NOS1AP: variants seen among roughly 807,000 people sequenced by gnomAD.
NOS1AP encodes the protein nitric oxide synthase 1 adaptor protein.
A neutral mutation model predicts 56.2 loss-of-function variants in NOS1AP; 21 were observed. The observed-to-expected ratio is 0.37, with a 90% confidence interval of 0.26 to 0.54. The LOEUF (loss-of-function observed/expected upper bound fraction) is 0.54, where lower values mean the gene tolerates loss of function less well. NOS1AP is among the 20% of genes least tolerant of loss of function. The pLI is 0.84. For synonymous variants in NOS1AP, 270 were observed against 274.6 expected (o/e 0.98, Z 0.17); for missense variants, 522 against 657.8 (o/e 0.79, Z 2.26).
At chr1:162,350,869 G>C (rs553323843) in intron 6 of NOS1AP, among the ~76,000 whole-genome samples, 2 of 152,254 alleles carry the variant, frequency 1.3e-5, no homozygotes, top group East Asian at 1.9e-4. Flanking sequence ...AGTTAATACA[G>C]GTTGAGCATC....
At chr1:162,245,111 G>A (rs1203152871) in intron 2 of NOS1AP, among the ~76,000 whole-genome samples, 1 of 152,096 alleles carries the variant, frequency 6.6e-6, no homozygotes, top group Non-Finnish European at 1.5e-5. Flanking sequence ...TTTTTAATTT[G>A]GGGAAGGCAA....
At chr1:162,174,033 A>G (rs1239431771) in intron 2 of NOS1AP, among the ~76,000 whole-genome samples, 1 of 152,176 alleles carries the variant, frequency 6.6e-6, no homozygotes, top group Non-Finnish European at 1.5e-5. Context: ...TAGAAATACC[A>G]TTTGACCCAG....
At chr1:162,203,077 G>A (rs913945263) in intron 2 of NOS1AP, among the ~76,000 whole-genome samples, 4 of 152,154 alleles carry the variant, frequency 2.6e-5, no homozygotes, top group Non-Finnish European at 5.9e-5. Flanking sequence ...GGGACAGACA[G>A]CCTGAATCAT....
rs2101833632 is a variant in NOS1AP, at chr1:162,367,700, G to A, written c.*233G>A. On this transcript the variant is annotated 3_prime_UTR_variant, in exon 10 of 10. Coordinates refer to ENST00000361897, the MANE Select transcript of NOS1AP (RefSeq NM_014697.3). The surrounding 1 kb of genome is among the most constrained non-coding windows in gnomAD (Gnocchi z 6.5). ...CCTCTCCTACTTGTGACTAGAGGGT[G>A]GTGGAGGTAAGGCCTTCCAGAGCCC... 1.8e-6 allele frequency: 1 copy of A among 568,766 alleles called. No individual in the cohort carries two copies. Among genetic ancestry groups the A allele is most frequent in the Non-Finnish European group, 3.1e-6 (1 of 321,828 alleles). 35.2% of individuals were successfully genotyped at this position (568,766 alleles called of 1,614,324 possible). A position where few individuals can be genotyped will look rare whatever the true frequency, so the allele number is the denominator to read the frequency against.
At chr1:162,105,738 G>A (rs2102035626) in intron 1 of NOS1AP, among the ~76,000 whole-genome samples, 1 of 152,322 alleles carries the variant, frequency 6.6e-6, no homozygotes, top group Admixed American at 6.5e-5. Context: ...TGGACCGCCT[G>A]TATTCTTCAA....
chr1:162,361,633 A>T (rs1217839224), intron 8 of NOS1AP, among the ~76,000 whole-genome samples: 5 of 152,168 alleles, frequency 3.3e-5, no homozygotes, highest in Admixed American at 1.3e-4. Context: ...TCACATATTC[A>T]CAGGACTTGA....
chr1:162,125,657 C>T (rs1325028366), intron 1 of NOS1AP, among the ~76,000 whole-genome samples: 1 of 152,082 alleles, frequency 6.6e-6, no homozygotes, highest in Non-Finnish European at 1.5e-5. Context: ...TAGTACCATG[C>T]TGTTTTGGTT....
intron 1 of NOS1AP, among the ~76,000 whole-genome samples, chr1:162,089,806 T>C (rs1191293350): frequency 1.3e-5 from 2 of 152,230 alleles, no homozygotes; most frequent in African/African-American, 2.4e-5. Flanking sequence ...TAGTTTCTCC[T>C]CTAGAGCCTC....
At chr1:162,283,170 A>G (rs763053606) in intron 2 of NOS1AP, among the ~76,000 whole-genome samples, 31 of 151,560 alleles carry the variant, frequency 2.0e-4, no homozygotes, top group South Asian at 6.2e-4. Context: ...TAACATATAT[A>G]TATAATATAT....
intron 1 of NOS1AP, among the ~76,000 whole-genome samples, chr1:162,087,208 T>C (rs1217636967): frequency 1.3e-5 from 2 of 152,126 alleles, no homozygotes; most frequent in African/African-American, 2.4e-5. Flanking sequence ...GTCCAGTAGC[T>C]CGTGACAGTG....
At chr1:162,164,897 T>G (rs1329393793) in intron 2 of NOS1AP, among the ~76,000 whole-genome samples, 1 of 152,212 alleles carries the variant, frequency 6.6e-6, no homozygotes, top group East Asian at 1.9e-4. Flanking sequence ...AAGGCCCTGA[T>G]TTCTCACTTA....
chr1:162,219,499 T>C (rs879440215), intron 2 of NOS1AP, among the ~76,000 whole-genome samples: 4 of 152,124 alleles, frequency 2.6e-5, no homozygotes, highest in Non-Finnish European at 4.4e-5. Context: ...CTTTCATCTC[T>C]GTCTCCCCTT....
At chr1:162,155,246 A>T (rs1272371898) in intron 2 of NOS1AP, among the ~76,000 whole-genome samples, 1 of 145,430 alleles carries the variant, frequency 6.9e-6, no homozygotes, top group Admixed American at 6.9e-5. Context: ...ACATATACAT[A>T]TACACATACA....
chr1:162,331,407 C>T (rs900332152), intron 4 of NOS1AP, among the ~76,000 whole-genome samples: 3 of 152,076 alleles, frequency 2.0e-5, no homozygotes, highest in Non-Finnish European at 4.4e-5. Flanking sequence ...AGTTACTAGG[C>T]TGTTTAGAGG....
chr1:162,177,068 T>C (rs933688651), intron 2 of NOS1AP, among the ~76,000 whole-genome samples: 7 of 152,178 alleles, frequency 4.6e-5, no homozygotes, highest in African/African-American at 1.7e-4. Flanking sequence ...AAATTGGTAG[T>C]TCTGCTGCTG....
At chr1:162,103,939 T>A (rs539966116) in intron 1 of NOS1AP, among the ~76,000 whole-genome samples, 1 of 152,356 alleles carries the variant, frequency 6.6e-6, no homozygotes, top group South Asian at 2.1e-4. Context: ...GTGAATTTGA[T>A]TCTGTCATCA....
chr1:162,347,208 A>G (rs1657326366), intron 6 of NOS1AP, among the ~76,000 whole-genome samples: 1 of 152,268 alleles, frequency 6.6e-6, no homozygotes. Context: ...GAAGTCTTAC[A>G]TTGTTAACTC....
chr1:162,083,248 C>T (rs1353089647), intron 1 of NOS1AP, among the ~76,000 whole-genome samples: 1 of 152,046 alleles, frequency 6.6e-6, no homozygotes, highest in African/African-American at 2.4e-5. Context: ...CTTTTGGTTT[C>T]TTTGGGTGGG....
chr1:162,078,942 C>G (rs1369922015), intron 1 of NOS1AP, among the ~76,000 whole-genome samples: 1 of 152,164 alleles, frequency 6.6e-6, no homozygotes, highest in Non-Finnish European at 1.5e-5. Context: ...GGGTCCATGT[C>G]ACTCTGCCCC....
Sources: allele counts gnomAD v4.1 joint callset (sites outside exome capture counted in the v4.1 genomes callset), GRCh38; gene constraint gnomAD v4.1.1; non-coding constraint Gnocchi (gnomAD v3.1); transcripts MANE v1.5; gene names NCBI Gene and HGNC (gene_info 2026-07-23, HGNC 2026-07-21).